The following INPP5D variants were observed in gnomAD, a reference collection of about 807,000 sequenced individuals.
INPP5D encodes the protein inositol polyphosphate-5-phosphatase D, also known as phosphatidylinositol 3,4,5-trisphosphate 5-phosphatase 1.
A neutral mutation model predicts 122.9 loss-of-function variants in INPP5D; 33 were observed. The ratio of observed to expected loss-of-function variants is 0.27; its 90% CI spans 0.20 to 0.36. The LOEUF is 0.36. Among genes scored for constraint, INPP5D ranks in the 10% least tolerant of loss-of-function variants. The pLI, the probability that INPP5D is intolerant of heterozygous loss-of-function variation, is 1.00. For missense variants in INPP5D, 1,053 were observed against 1,412.7 expected (o/e 0.75, Z 4.08); for synonymous variants, 584 against 576.2 (o/e 1.01, Z -0.19).
intron 2 of INPP5D, among the ~76,000 whole-genome samples, chr2:233,116,639 C>T (rs1692807257): frequency 6.6e-6 from 1 of 151,038 alleles, no homozygotes; most frequent in African/African-American, 2.4e-5. Flanking sequence ...CTCTGTCGCC[C>T]AGGCTGGAGT....
At chr2:233,185,277 GCCT>G (rs990420293) in intron 20 of INPP5D, among the ~76,000 whole-genome samples, 4 of 113,642 alleles carry the variant, frequency 3.5e-5, no homozygotes, top group Non-Finnish European at 7.8e-5. Context: ...TCTGGTCCCT[GCCT>G]CCTTCTCCAA....
chr2:233,125,827 T>C lies in INPP5D; in HGVS notation c.432T>C (p.Pro144=). The stretch of plus-strand genomic sequence containing the variant: ...GCTCCTGTGAGGCCAAGGAGGTTCC[T>C]TTTTCAAACGAGAATCCCCGAGCGA... ...TASSCEAKEV[P]FSNENPRATE... is the part of the protein sequence containing the mutation. The change falls in exon 4 of 27, where the codon CCT becomes CCC. Residue 144 remains proline (P), a synonymous_variant. Transcript: ENST00000445964. 1 of 1,613,890 alleles carries C rather than the reference T, an allele frequency of 6.2e-7. No individual in the cohort carries two copies. The highest frequency in any genetic ancestry group is 8.5e-7 in the Non-Finnish European group (1 of 1,179,844).
chr2:233,111,095 C>T (rs933651723), intron 2 of INPP5D, among the ~76,000 whole-genome samples: 1 of 152,150 alleles, frequency 6.6e-6, no homozygotes, highest in African/African-American at 2.4e-5. Context: ...AGTCATATTA[C>T]TATTATCATT....
rs756846094 is a variant in INPP5D, at chr2:233,169,280, TTCTTCTTTCTGC to T, written c.1556-16_1556-5del. 8 of 1,576,040 alleles carry T rather than the reference TTCTTCTTTCTGC, an allele frequency of 5.1e-6. No individual in the cohort carries two copies. In the South Asian group the frequency reaches 9.3e-5, roughly 18 times the overall value. ...CAAGTGTGTCTGTTTGATATTTTGA[TTCTTCTTTCTGC>T]TCTTCTTTTTAGGGAACAAGGGAGC... On this transcript the variant is annotated splice_polypyrimidine_tract_variant and intron_variant, in intron 13 of 26. Transcript: ENST00000445964.
intron 11 of INPP5D, 34 bp downstream of exon 11, chr2:233,161,860 C>G (rs1215734961): frequency 2.5e-6 from 4 of 1,593,054 alleles, no homozygotes; most frequent in Admixed American, 1.8e-5. Flanking sequence ...GCAGTCACCC[C>G]CTCTGCTTCT....
rs1694466757 is a variant in INPP5D at position 233,170,551 on chromosome 2, C to T, written c.1847C>T (p.Ser616Phe). 1 of 1,613,686 alleles carries T rather than the reference C, an allele frequency of 6.2e-7. No individual in the cohort carries two copies. Among genetic ancestry groups the T allele is most frequent in the African/African-American group, 1.3e-5 (1 of 75,010 alleles). Residue 616 changes from serine to phenylalanine, a missense_variant, in exon 16 of 27, where the codon TCC becomes TTC. Ser to Phe is a radical substitution (Grantham distance 155). Coordinates refer to ENST00000445964, the MANE Select transcript of INPP5D (RefSeq NM_001017915.3). The surrounding 1 kb of genome is among the most constrained non-coding windows in gnomAD (Gnocchi z 4.5). ...CAGCAGCAGTACGCAGACCTCCTGT[C>T]CCACGACCAGCTGCTCACAGAGAGG... ...IKQQQYADLL[S>F]HDQLLTERRE...
chr2:233,205,814 C>T (rs994731858), intron 26 of INPP5D, among the ~76,000 whole-genome samples: 7 of 152,194 alleles, frequency 4.6e-5, no homozygotes, highest in Admixed American at 2.6e-4. Context: ...CGTGGTGGCT[C>T]ATGACTGTAA....
chr2:233,152,219 G>A (rs1308343250), intron 9 of INPP5D, among the ~76,000 whole-genome samples: 1 of 127,016 alleles, frequency 7.9e-6, no homozygotes, highest in East Asian at 2.6e-4. Context: ...CTCATGGTGA[G>A]TTTCCATCCA....
rs185220258 is a variant in INPP5D, at chr2:233,103,243, A to G, written c.199-18864A>G. ...TTCCCTGCAAATCTCTGCTGCACAAAGAATGACAACCCATATAGGTGGGTT... is the reference window on the plus strand; with the variant it reads ...TTCCCTGCAAATCTCTGCTGCACAAGGAATGACAACCCATATAGGTGGGTT... On this transcript the variant is annotated intron_variant, in intron 2 of 26. Coordinates refer to ENST00000445964, the MANE Select transcript of INPP5D (RefSeq NM_001017915.3). Among the ~76,000 whole-genome samples the G allele has an allele frequency of 7.6e-3, 1,160 of 152,348 alleles. 11 individuals carry two copies. The highest frequency in any genetic ancestry group is 0.013 in the Non-Finnish European group (872 of 68,026).
intron 19 of INPP5D, among the ~76,000 whole-genome samples, chr2:233,184,003 C>A (rs1466752076): frequency 6.6e-6 from 1 of 152,196 alleles, no homozygotes; most frequent in Non-Finnish European, 1.5e-5. Flanking sequence ...GGAGAGAGAG[C>A]TGCTAGCCCT....
intron 2 of INPP5D, among the ~76,000 whole-genome samples, chr2:233,097,872 GC>G (rs1692190439): frequency 6.6e-6 from 1 of 151,572 alleles, no homozygotes; most frequent in Non-Finnish European, 1.5e-5. Flanking sequence ...GTGGCATGGT[GC>G]TTTTGGTTGT....
At chr2:233,132,740 A>G (rs1239618197) in intron 5 of INPP5D, among the ~76,000 whole-genome samples, 1 of 152,142 alleles carries the variant, frequency 6.6e-6, no homozygotes, top group Non-Finnish European at 1.5e-5. Flanking sequence ...ACAAACATGT[A>G]TTGGAGGCCT....
intron 2 of INPP5D, among the ~76,000 whole-genome samples, chr2:233,106,147 G>C (rs1692462925): frequency 6.6e-6 from 1 of 152,194 alleles, no homozygotes; most frequent in Non-Finnish European, 1.5e-5. Flanking sequence ...GTATCTGTCA[G>C]TGTTTGCTGC....
intron 9 of INPP5D, 140 bp from the exon 10 acceptor site, chr2:233,158,173 G>A: frequency 1.7e-6 from 1 of 588,108 alleles, no homozygotes; most frequent in Admixed American, 3.0e-5. Context: ...TGGAAGCAGA[G>A]GGAGCTGGGA....
At chr2:233,185,714 T>TTAAA in intron 20 of INPP5D, 129 bp from the exon 21 acceptor site, 1 of 625,632 alleles carries the variant, frequency 1.6e-6, no homozygotes, top group African/African-American at 3.1e-5. Context: ...GGCCCCGAGA[T>TTAAA]AAAAAAAAAA....
chr2:233,065,302 C>A (rs1039561526), intron 1 of INPP5D, among the ~76,000 whole-genome samples: 22 of 119,804 alleles, frequency 1.8e-4, no homozygotes, highest in African/African-American at 6.5e-4. Flanking sequence ...ATCAGCACTT[C>A]TTGGGTTTTT....
At chr2:233,124,316 G>A (rs139193147) in intron 3 of INPP5D, among the ~76,000 whole-genome samples, 1 of 152,300 alleles carries the variant, frequency 6.6e-6, no homozygotes, top group Non-Finnish European at 1.5e-5. Flanking sequence ...GCTTGCTGCA[G>A]GCATCCTTTT....
chr2:233,090,114 A>G (rs1691953230), intron 2 of INPP5D, among the ~76,000 whole-genome samples: 1 of 152,266 alleles, frequency 6.6e-6, no homozygotes, highest in Admixed American at 6.5e-5. Flanking sequence ...CCTTGGGCAC[A>G]GGACAGAGGA....
At chr2:233,076,026 C>T (rs182673424) in intron 1 of INPP5D, among the ~76,000 whole-genome samples, 3 of 152,298 alleles carry the variant, frequency 2.0e-5, no homozygotes, top group Non-Finnish European at 4.4e-5. Flanking sequence ...GTCTGCCACA[C>T]TTGATTGAAC....
Sources: gnomAD v4.1 joint callset for allele counts (sites outside exome capture counted in the v4.1 genomes callset) on GRCh38, gnomAD v4.1.1 for gene constraint, Gnocchi (gnomAD v3.1) non-coding constraint, MANE v1.5 for transcripts, NCBI Gene and HGNC (gene_info 2026-07-23, HGNC 2026-07-21) for gene names.